KSR2: variants seen among roughly 807,000 people sequenced by gnomAD.
KSR2 encodes kinase suppressor of ras 2.
A neutral mutation model predicts 107.8 loss-of-function variants in KSR2; 25 were observed. That is an observed-to-expected ratio of 0.23 (90% confidence interval 0.17 to 0.32). The LOEUF is 0.32. Among genes scored for constraint, KSR2 ranks in the 10% least tolerant of loss-of-function variants. The pLI is 1.00. For missense variants in KSR2, 887 were observed against 1,268.9 expected, an observed-to-expected ratio of 0.70 and a Z score of 4.57; for synonymous variants, 480 against 507.0, an observed-to-expected ratio of 0.95 and a Z score of 0.71.
At chr12:117,739,138 G>A (rs1362718695) in intron 4 of KSR2, among the ~76,000 whole-genome samples, 1 of 152,254 alleles carries the variant, frequency 6.6e-6, no homozygotes, top group Admixed American at 6.5e-5. Context: ...GGCAGATCAC[G>A]AGGTCAGGAG....
At chr12:117,759,969 C>A (rs1043164224) in intron 4 of KSR2, among the ~76,000 whole-genome samples, 2 of 152,112 alleles carry the variant, frequency 1.3e-5, no homozygotes, top group Non-Finnish European at 2.9e-5. Flanking sequence ...ATTAGCCAGG[C>A]GTGGTGGCAC....
intron 5 of KSR2, among the ~76,000 whole-genome samples, chr12:117,658,974 A>G (rs1349461071): frequency 1.3e-5 from 2 of 152,118 alleles, no homozygotes; most frequent in African/African-American, 4.8e-5. Context: ...CAGAATGGGG[A>G]TGCAGGGGCA....
At chr12:117,523,546 A>C (rs907266799) in intron 14 of KSR2, among the ~76,000 whole-genome samples, 7 of 152,236 alleles carry the variant, frequency 4.6e-5, no homozygotes, top group Non-Finnish European at 1.0e-4. Flanking sequence ...AAATCTGAGA[A>C]AGTCCAAGAA....
At chr12:117,957,827 C>T (rs1439631708) in intron 1 of KSR2, among the ~76,000 whole-genome samples, 3 of 124,422 alleles carry the variant, frequency 2.4e-5, no homozygotes, top group Non-Finnish European at 4.9e-5. Context: ...CACAGGCTGA[C>T]CACCTTTTTT....
At chr12:117,797,518 G>T (rs773069857) in intron 3 of KSR2, among the ~76,000 whole-genome samples, 5 of 124,950 alleles carry the variant, frequency 4.0e-5, no homozygotes, top group Non-Finnish European at 6.6e-5. Context: ...ATGGCTACGG[G>T]GTTTCTATTT....
chr12:117,559,497 T>C (rs1877958674), intron 7 of KSR2, among the ~76,000 whole-genome samples: 1 of 152,190 alleles, frequency 6.6e-6, no homozygotes, highest in Non-Finnish European at 1.5e-5. Flanking sequence ...ATTTCACAGA[T>C]GGAAAAACTT....
intron 7 of KSR2, among the ~76,000 whole-genome samples, chr12:117,576,102 C>T (rs570680987): frequency 7.2e-5 from 11 of 152,126 alleles, no homozygotes; most frequent in African/African-American, 2.6e-4. Context: ...ACTTTTAGAA[C>T]AGAGAGCACT....
intron 4 of KSR2, among the ~76,000 whole-genome samples, chr12:117,690,551 GAAGACT>G (rs1885772186): frequency 6.6e-6 from 1 of 151,782 alleles, no homozygotes; most frequent in South Asian, 2.1e-4. Flanking sequence ...GGTGACAGAG[GAAGACT>G]CTGTCTCAAA....
chr12:117,717,666 G>GTATGTATGTGT (rs1887038768), intron 4 of KSR2, among the ~76,000 whole-genome samples: 5 of 144,478 alleles, frequency 3.5e-5, no homozygotes, highest in African/African-American at 1.3e-4. Context: ...GGGGCAGACA[G>GTATGTATGTGT]GTGTGTGTGT....
At chr12:117,633,640 T>C (rs1286412578) in intron 5 of KSR2, among the ~76,000 whole-genome samples, 1 of 152,200 alleles carries the variant, frequency 6.6e-6, no homozygotes, top group African/African-American at 2.4e-5. Context: ...CTCCAATCTC[T>C]GCCTCTGTCC....
Position 117,469,748 on chromosome 12 carries a change from G to C in KSR2, c.2760C>G (p.Thr920=). Residue 920 remains threonine, a synonymous_variant, in exon 19 of 20, where the codon ACC becomes ACG. Coordinates refer to ENST00000339824, the MANE Select transcript of KSR2 (RefSeq NM_173598.6). ...CCAGCATGTCCATGAGCTTGGTGAA[G>C]GTAGGTCTCTCTTCTTGTTCAAAGG... ...CWAFEQEERP[T]FTKLMDMLEK... is the part of the protein sequence containing the mutation. 6.2e-7 allele frequency: 1 copy of C among 1,613,908 alleles called. No homozygotes were observed. The highest frequency in any genetic ancestry group is 8.5e-7 in the Non-Finnish European group (1 of 1,179,860).
At position 117,471,302 on chromosome 12, in the gene KSR2, G is replaced by C. The variant is rs745617103; in HGVS notation, c.2601C>G (p.Leu867=). 2 of 1,613,694 alleles carry C rather than the reference G, an allele frequency of 1.2e-6. No homozygotes were observed. Among genetic ancestry groups the C allele is most frequent in the African/African-American group, 2.7e-5 (2 of 74,896 alleles). Residue 867 remains leucine, a synonymous_variant, in exon 18 of 20, where the codon CTC becomes CTG. Transcript: ENST00000339824. ...TCTTGAAAGGCCATTCCCTGGCGTG[G>C]AGTTCATACCAGATTGTGCTGTTGG... ...VFALGTIWYE[L]HAREWPFKTQ... is the part of the protein sequence containing the mutation.
chr12:117,606,281 C>T (rs1881223546), intron 5 of KSR2, among the ~76,000 whole-genome samples: 1 of 139,336 alleles, frequency 7.2e-6, no homozygotes, highest in Non-Finnish European at 1.6e-5. Flanking sequence ...CTCCCTCTCC[C>T]CTCCTCCTTC....
intron 5 of KSR2, among the ~76,000 whole-genome samples, chr12:117,592,876 A>G (rs1411575975): frequency 6.6e-6 from 1 of 152,198 alleles, no homozygotes; most frequent in African/African-American, 2.4e-5. Context: ...GACACATCCC[A>G]TGGATCAGAG....
intron 4 of KSR2, among the ~76,000 whole-genome samples, chr12:117,722,149 C>T (rs1480073029): frequency 6.6e-6 from 1 of 152,134 alleles, no homozygotes; most frequent in Admixed American, 6.5e-5. Flanking sequence ...GCTGGGACTA[C>T]AGTTGCATGC....
intron 17 of KSR2, among the ~76,000 whole-genome samples, chr12:117,473,624 A>C (rs1443200218): frequency 6.6e-6 from 1 of 152,184 alleles, no homozygotes; most frequent in Admixed American, 6.5e-5. Flanking sequence ...CACTCATGTG[A>C]AACGGGGAAG....
chr12:117,556,263 TCACCTTCCAG>T (rs1294542219), intron 8 of KSR2, among the ~76,000 whole-genome samples: 2 of 152,146 alleles, frequency 1.3e-5, no homozygotes, highest in African/African-American at 4.8e-5. Context: ...CTGAAAGCCA[TCACCTTCCAG>T]CAGGCTGCTT....
At chr12:117,929,358 C>T (rs534942789) in intron 1 of KSR2, among the ~76,000 whole-genome samples, 1 of 152,288 alleles carries the variant, frequency 6.6e-6, no homozygotes, top group South Asian at 2.1e-4. Context: ...ATAAGTCTTA[C>T]AAGATCTGAA....
chr12:117,844,543 A>G (rs1455369626), intron 3 of KSR2, among the ~76,000 whole-genome samples: 2 of 152,144 alleles, frequency 1.3e-5, no homozygotes, highest in African/African-American at 2.4e-5. Context: ...AATTAATTGG[A>G]ACCAGGATGA....
Sources: allele counts gnomAD v4.1 joint callset (sites outside exome capture counted in the v4.1 genomes callset), GRCh38; gene constraint gnomAD v4.1.1; transcripts MANE v1.5; gene names NCBI Gene and HGNC (gene_info 2026-07-23, HGNC 2026-07-21).